Variants in GRIA4 observed in about 807,000 individuals in gnomAD.
The protein encoded by GRIA4 is glutamate ionotropic receptor AMPA type subunit 4.
GRIA4 carries 34 observed loss-of-function variants against 104.0 expected under a neutral mutation model. The observed-to-expected ratio is 0.33, with a 90% confidence interval of 0.25 to 0.44. The LOEUF (loss-of-function observed/expected upper bound fraction) is 0.44. GRIA4 is among the 20% of genes least tolerant of loss of function. The pLI is 1.00. For synonymous variants in GRIA4, 386 were observed against 381.9 expected, an observed-to-expected ratio of 1.01 and a Z score of -0.13; for missense variants, 750 against 1,096.5, an observed-to-expected ratio of 0.68 and a Z score of 4.46.
intron 4 of GRIA4, among the ~76,000 whole-genome samples, chr11:105,860,956 G>GA (rs55824302): frequency 0.015 from 1,597 of 105,844 alleles, 19 homozygotes; most frequent in Non-Finnish European, 0.021. Flanking sequence ...AAGACTGTCT[G>GA]AAAAAAAAAA....
chr11:105,780,611 A>G (rs1236919818), intron 4 of GRIA4, among the ~76,000 whole-genome samples: 1 of 152,206 alleles, frequency 6.6e-6, no homozygotes, highest in African/African-American at 2.4e-5. Flanking sequence ...TAATGTAGAT[A>G]TAAAGAAAAA....
chr11:105,897,462 G>A (rs1034526664), intron 6 of GRIA4, among the ~76,000 whole-genome samples: 1 of 152,010 alleles, frequency 6.6e-6, no homozygotes, highest in Non-Finnish European at 1.5e-5. Context: ...CGAGTGGTGA[G>A]AGTGGACATC....
intron 3 of GRIA4, among the ~76,000 whole-genome samples, chr11:105,669,365 CAAT>C (rs956341084): frequency 6.7e-6 from 1 of 150,072 alleles, no homozygotes; most frequent in African/African-American, 2.5e-5. Flanking sequence ...CATATACACA[CAAT>C]GTTATATTCA....
chr11:105,696,353 T>C (rs911628110), intron 3 of GRIA4, among the ~76,000 whole-genome samples: 4 of 152,178 alleles, frequency 2.6e-5, no homozygotes, highest in African/African-American at 9.7e-5. Context: ...CTTATTCTCA[T>C]TATCTCTATT....
intron 3 of GRIA4, among the ~76,000 whole-genome samples, chr11:105,685,975 G>A (rs899747026): frequency 7.9e-5 from 12 of 151,798 alleles, no homozygotes; most frequent in Admixed American, 2.0e-4. Context: ...TTGGAGAAAC[G>A]GGTGGAAGAC....
Position 105,612,512 on chromosome 11 carries a change from A to C in GRIA4, c.247+78A>C, listed in dbSNP as rs1950506418. ...GGAGTCCTCTTCCTCTTTGTTATTT[A>C]ATTTTTTTAGAAAGAATTTCAAGAT... On this transcript the variant is annotated intron_variant, in intron 3 of 16. Transcript: ENST00000282499. 5 of 1,168,688 alleles carry C rather than the reference A, an allele frequency of 4.3e-6. No homozygotes were observed. The African/African-American group carries it at 4.6e-5, about 11-fold the overall frequency. The allele number at this position is 1,168,688 out of a possible 1,614,324, so 72.4% of individuals were successfully genotyped here.
At chr11:105,816,157 G>A (rs114659169) in intron 4 of GRIA4, among the ~76,000 whole-genome samples, 80 of 152,266 alleles carry the variant, frequency 5.3e-4, no homozygotes, top group African/African-American at 1.8e-3. Flanking sequence ...TCACTTCTCT[G>A]TGCATTGGCC....
rs188237454 is a variant in GRIA4 at position 105,620,523 on chromosome 11, G to A, written c.247+8089G>A. On this transcript the variant is annotated intron_variant, in intron 3 of 16. Transcript: ENST00000282499. ...ATACCCAACATTCAGTGTGACTGTC[G>A]CCGGTTAACCTTTAATTCTGATTTC... Among the ~76,000 whole-genome samples the A allele has an allele frequency of 3.1e-3, 476 of 151,706 alleles. 2 individuals are homozygous for A. Among genetic ancestry groups the A allele is most frequent in the African/African-American group, 0.01 (431 of 41,444 alleles).
chr11:105,736,671 T>A (rs1938969033), intron 3 of GRIA4, among the ~76,000 whole-genome samples: 1 of 152,098 alleles, frequency 6.6e-6, no homozygotes, highest in Non-Finnish European at 1.5e-5. Context: ...TTTATTGTAT[T>A]AGCTACAAAA....
At chr11:105,869,260 T>C (rs548779111) in intron 5 of GRIA4, among the ~76,000 whole-genome samples, 80 of 152,284 alleles carry the variant, frequency 5.3e-4, no homozygotes, top group Non-Finnish European at 9.7e-4. Context: ...TCATGAATTC[T>C]ACGATTAGGT....
At chr11:105,884,898 T>A (rs1190506382) in intron 5 of GRIA4, among the ~76,000 whole-genome samples, 2 of 152,192 alleles carry the variant, frequency 1.3e-5, no homozygotes, top group Non-Finnish European at 2.9e-5. Context: ...AATGGATTTT[T>A]AAAATTAAAC....
intron 3 of GRIA4, among the ~76,000 whole-genome samples, chr11:105,721,253 G>T (rs1937794454): frequency 6.6e-6 from 1 of 152,000 alleles, no homozygotes; most frequent in South Asian, 2.1e-4. Flanking sequence ...TTTTGAAGAG[G>T]GATAATATTT....
At chr11:105,929,332 A>C (rs1204525301) in intron 13 of GRIA4, among the ~76,000 whole-genome samples, 1 of 152,118 alleles carries the variant, frequency 6.6e-6, no homozygotes, top group African/African-American at 2.4e-5. Flanking sequence ...GTGCTTCAAA[A>C]AAATGCCACA....
At chr11:105,974,688 T>C in intron 16 of GRIA4, 1 of 882,994 alleles carries the variant, frequency 1.1e-6, no homozygotes. Context: ...TCAGTGCAAA[T>C]TGGTTCGGTT....
At chr11:105,720,466 T>C (rs1023428055) in intron 3 of GRIA4, among the ~76,000 whole-genome samples, 1 of 151,392 alleles carries the variant, frequency 6.6e-6, no homozygotes, top group Non-Finnish European at 1.5e-5. Flanking sequence ...AAATGATGGG[T>C]TTCTCAAAAG....
rs573168970 is a variant in GRIA4 at position 105,877,594 on chromosome 11, G to A, written c.673-9925G>A. Reference sequence around the variant, plus strand: ...TCACATAGTCCCATATTTCTTGGACGCTTTTTCATTAGTTTTCATTCTTTT... The same window carrying A: ...TCACATAGTCCCATATTTCTTGGACACTTTTTCATTAGTTTTCATTCTTTT... On this transcript the variant is annotated intron_variant, in intron 5 of 16. Coordinates refer to ENST00000282499, the MANE Select transcript of GRIA4 (RefSeq NM_000829.4). Among the ~76,000 whole-genome samples, 300 of 152,150 alleles carry A rather than the reference G, an allele frequency of 2.0e-3. 1 individual carries two copies. The highest frequency in any genetic ancestry group is 2.5e-3 in the Non-Finnish European group (167 of 67,986).
chr11:105,631,870 TA>T (rs1951043363), intron 3 of GRIA4, among the ~76,000 whole-genome samples: 1 of 152,098 alleles, frequency 6.6e-6, no homozygotes, highest in Non-Finnish European at 1.5e-5. Context: ...AAATAAGACT[TA>T]ATAAAGTGGA....
chr11:105,637,990 C>T (rs1475489780), intron 3 of GRIA4, among the ~76,000 whole-genome samples: 1 of 152,086 alleles, frequency 6.6e-6, no homozygotes, highest in East Asian at 1.9e-4. Context: ...TATTTTTAAT[C>T]GTGTACAACA....
At chr11:105,657,845 A>G (rs1338940344) in intron 3 of GRIA4, among the ~76,000 whole-genome samples, 3 of 151,968 alleles carry the variant, frequency 2.0e-5, no homozygotes, top group African/African-American at 7.2e-5. Flanking sequence ...TTCAAATATT[A>G]GTACAGATGG....
Sources: gnomAD v4.1 joint callset for allele counts (sites outside exome capture counted in the v4.1 genomes callset) on GRCh38, gnomAD v4.1.1 for gene constraint, MANE v1.5 for transcripts, NCBI Gene and HGNC (gene_info 2026-07-23, HGNC 2026-07-21) for gene names.